Variants in ARHGEF9 observed in about 807,000 individuals in gnomAD.
The protein encoded by ARHGEF9 is rho guanine nucleotide exchange factor 9.
In ARHGEF9, 2 loss-of-function variants were observed where a neutral mutation model predicts 41.3. That is an observed-to-expected ratio of 0.05 (90% CI 0.02 to 0.15). The LOEUF (loss-of-function observed/expected upper bound fraction) is 0.15. Among genes scored for constraint, ARHGEF9 ranks in the 10% least tolerant of loss-of-function variants. ARHGEF9 has a pLI of 1.00. For synonymous variants in ARHGEF9, 160 were observed against 154.4 expected, an observed-to-expected ratio of 1.04 and a Z score of -0.27; for missense variants, 225 against 424.7, an observed-to-expected ratio of 0.53 and a Z score of 4.13.
intron 9 of ARHGEF9, 114 bp downstream of exon 9, chrX:63,643,866 A>C (rs782286075): frequency 3.8e-6 from 3 of 783,288 alleles, no homozygotes; most frequent in Non-Finnish European, 3.8e-6. Context: ...AGGGACCTGG[A>C]TACTCCTCCA....
chrX:63,770,545 T>C (rs1412371398), intron 1 of ARHGEF9, among the ~76,000 whole-genome samples: 1 of 112,296 alleles, frequency 8.9e-6, no homozygotes, highest in Admixed American at 9.4e-5. Flanking sequence ...TGGGGGACTG[T>C]TGGAAAGGCA....
intron 4 of ARHGEF9, among the ~76,000 whole-genome samples, chrX:63,689,568 C>T (rs1449967316): frequency 8.9e-6 from 1 of 112,035 alleles, no homozygotes; most frequent in African/African-American, 3.2e-5. Flanking sequence ...TCAACACTCA[C>T]TTTCAGCAAT....
chrX:63,645,937 G>A (rs1416836092), intron 8 of ARHGEF9, among the ~76,000 whole-genome samples: 1 of 112,031 alleles, frequency 8.9e-6, no homozygotes, highest in African/African-American at 3.2e-5. Context: ...GGAGTGAGAT[G>A]GTACCTCATT....
At chrX:63,683,496 C>G (rs1556371828) in intron 4 of ARHGEF9, among the ~76,000 whole-genome samples, 1 of 111,468 alleles carries the variant, frequency 9.0e-6, no homozygotes, top group Non-Finnish European at 1.9e-5. Flanking sequence ...TAGACAAAAA[C>G]ATATATAAAA....
At chrX:63,783,304 C>T (rs1556463400) in intron 1 of ARHGEF9, among the ~76,000 whole-genome samples, 3 of 94,803 alleles carry the variant, frequency 3.2e-5, no homozygotes, top group South Asian at 5.2e-4. Flanking sequence ...GATGGAGTTT[C>T]GCTCTTGTTG....
At chrX:63,689,578 T>C (rs1266675204) in intron 4 of ARHGEF9, among the ~76,000 whole-genome samples, 1 of 111,904 alleles carries the variant, frequency 8.9e-6, no homozygotes, top group African/African-American at 3.2e-5. Flanking sequence ...CTTTCAGCAA[T>C]GAACAGATTA....
chrX:63,775,357 C>A (rs2056275269), intron 1 of ARHGEF9, among the ~76,000 whole-genome samples: 1 of 112,398 alleles, frequency 8.9e-6, no homozygotes, highest in African/African-American at 3.2e-5. Context: ...AATCATTCTA[C>A]CATAAAGATA....
intron 4 of ARHGEF9, among the ~76,000 whole-genome samples, chrX:63,689,003 ATAAT>A (rs1202602706): frequency 1.2e-4 from 13 of 112,013 alleles, no homozygotes; most frequent in Non-Finnish European, 1.1e-4. Context: ...ACAAAAGCAA[ATAAT>A]TAATACATGC....
At chrX:63,764,769 T>C (rs1300321421) in intron 1 of ARHGEF9, among the ~76,000 whole-genome samples, 1 of 110,320 alleles carries the variant, frequency 9.1e-6, no homozygotes, top group East Asian at 2.9e-4. Flanking sequence ...AGCTGAATGA[T>C]GAGAACACAT....
chrX:63,708,639 G>T (rs2052713478), intron 2 of ARHGEF9, among the ~76,000 whole-genome samples: 1 of 111,608 alleles, frequency 9.0e-6, no homozygotes, highest in African/African-American at 3.3e-5. Flanking sequence ...GAGCTTCTGA[G>T]AAGACACCTT....
chrX:63,669,700 G>T (rs1382455433), intron 6 of ARHGEF9, among the ~76,000 whole-genome samples: 44 of 111,607 alleles, frequency 3.9e-4, no homozygotes, highest in African/African-American at 1.4e-3. Context: ...CACATGGTTT[G>T]CTCCTTCCTC....
intron 1 of ARHGEF9, among the ~76,000 whole-genome samples, chrX:63,776,228 C>T (rs1205073570): frequency 1.1e-4 from 12 of 111,546 alleles, no homozygotes; most frequent in Non-Finnish European, 2.1e-4. Flanking sequence ...CTCCCCCTCA[C>T]CAAGGCACTG....
chrX:63,645,105 A>G (rs1479397001), intron 8 of ARHGEF9, among the ~76,000 whole-genome samples: 6 of 110,831 alleles, frequency 5.4e-5, no homozygotes, highest in Non-Finnish European at 1.1e-4. Context: ...CCTGGATCAA[A>G]AGGAAACCAT....
intron 1 of ARHGEF9, among the ~76,000 whole-genome samples, chrX:63,772,183 C>T (rs1201725471): frequency 1.8e-5 from 2 of 112,242 alleles, no homozygotes; most frequent in East Asian, 2.8e-4. Flanking sequence ...AGCCAGAAAC[C>T]TAGGGGTCAT....
Position 63,708,908 on chromosome X carries a change from G to T in ARHGEF9, c.211-2459C>A, listed in dbSNP as rs782299305. Among the ~76,000 whole-genome samples the T allele has an allele frequency of 2.7e-5, 3 of 112,083 alleles. No homozygotes were observed. In the East Asian group the frequency reaches 8.4e-4, roughly 31 times the overall value. ...CTAACTGTTTTTCTCCTGATCCCAG[G>T]TTCCCACAAAACATCCCCCGGGCCT... On this transcript the variant is annotated intron_variant, in intron 2 of 9. Coordinates refer to ENST00000671741, the MANE Select transcript of ARHGEF9 (RefSeq NM_001353921.2).
intron 9 of ARHGEF9, 22 bp downstream of exon 9, chrX:63,643,958 A>G: frequency 8.3e-7 from 1 of 1,200,138 alleles, no homozygotes; most frequent in African/African-American, 1.7e-5. Context: ...TCTTTCACAG[A>G]GACTGAGTGG....
intron 1 of ARHGEF9, among the ~76,000 whole-genome samples, chrX:63,734,245 G>C (rs1353412420): frequency 4.5e-5 from 5 of 112,052 alleles, no homozygotes; most frequent in African/African-American, 1.6e-4. Flanking sequence ...ACAGATCAGA[G>C]AGAAGACATG....
intron 1 of ARHGEF9, among the ~76,000 whole-genome samples, chrX:63,765,839 A>C (rs2056104691): frequency 8.9e-6 from 1 of 112,101 alleles, no homozygotes; most frequent in Admixed American, 9.4e-5. Flanking sequence ...TTAATGGAGA[A>C]GGGAAGAGCA....
At chrX:63,659,966 G>T (rs1485347453) in intron 7 of ARHGEF9, among the ~76,000 whole-genome samples, 2 of 111,734 alleles carry the variant, frequency 1.8e-5, no homozygotes, top group African/African-American at 3.3e-5. Context: ...GTACAGCCAT[G>T]ATAGAAAGCA....
Sources: allele counts gnomAD v4.1 joint callset (sites outside exome capture counted in the v4.1 genomes callset), GRCh38; gene constraint gnomAD v4.1.1; transcripts MANE v1.5; gene names NCBI Gene and HGNC (gene_info 2026-07-23, HGNC 2026-07-21).